NEK10: variants seen among roughly 807,000 people sequenced by gnomAD.
NEK10 encodes serine/threonine-protein kinase Nek10.
Under a neutral mutation model 159.8 loss-of-function variants are expected in NEK10, and 122 were observed. That is an observed-to-expected ratio of 0.76 (90% CI 0.66 to 0.89). NEK10 has a LOEUF of 0.89. Among genes scored for constraint, NEK10 ranks in the 40% least tolerant of loss-of-function variants. The pLI is 0.00. For missense variants in NEK10, 1,342 were observed against 1,323.1 expected, an observed-to-expected ratio of 1.01 and a Z score of -0.22; for synonymous variants, 466 against 457.1, an observed-to-expected ratio of 1.02 and a Z score of -0.25.
chr3:27,223,864 C>T (rs554483899), intron 23 of NEK10, among the ~76,000 whole-genome samples: 8 of 152,336 alleles, frequency 5.3e-5, no homozygotes, highest in African/African-American at 1.7e-4. Context: ...ACTCAACATA[C>T]TCAAAACTAA....
At position 27,151,968 on chromosome 3, in the gene NEK10, A is replaced by T. The variant is rs2148749422; in HGVS notation, c.2870-10386T>A. On this transcript the variant is annotated intron_variant, in intron 30 of 35. Transcript: ENST00000691995. ...AAGAAAAAGGAACAAGAAAATATGAACAAAGCCTCCAAGAAGTCTGGGATT... is the reference window on the plus strand; with the variant it reads ...AAGAAAAAGGAACAAGAAAATATGATCAAAGCCTCCAAGAAGTCTGGGATT... Among the ~76,000 whole-genome samples the T allele has an allele frequency of 1.3e-5, 2 of 152,296 alleles. 1 individual carries two copies. The highest frequency in any genetic ancestry group is 4.1e-4 in the South Asian group (2 of 4,828).
intron 30 of NEK10, among the ~76,000 whole-genome samples, chr3:27,152,815 A>G (rs779484586): frequency 6.6e-6 from 1 of 152,204 alleles, no homozygotes; most frequent in Non-Finnish European, 1.5e-5. Flanking sequence ...AAGGGGTGGA[A>G]AAAGGCATTT....
At chr3:27,250,449 G>C (rs1955535824) in intron 23 of NEK10, among the ~76,000 whole-genome samples, 1 of 152,122 alleles carries the variant, frequency 6.6e-6, no homozygotes, top group Non-Finnish European at 1.5e-5. Flanking sequence ...GTCTCCCAAA[G>C]TGCTGGGATT....
intron 32 of NEK10, among the ~76,000 whole-genome samples, chr3:27,128,526 T>C (rs890250392): frequency 1.2e-4 from 19 of 152,164 alleles, no homozygotes; most frequent in South Asian, 4.1e-4. Context: ...TAACATGCGA[T>C]AGAATTCATA....
chr3:27,272,533 G>T (rs1416979947), intron 22 of NEK10, among the ~76,000 whole-genome samples: 1 of 152,112 alleles, frequency 6.6e-6, no homozygotes, highest in Non-Finnish European at 1.5e-5. Flanking sequence ...CATCCTACAG[G>T]GTATTTGACA....
intron 26 of NEK10, 61 bp from the exon 27 acceptor site, chr3:27,174,894 A>C (rs1947357678): frequency 5.8e-6 from 8 of 1,369,826 alleles, no homozygotes; most frequent in Admixed American, 2.4e-5. Flanking sequence ...TATAGGACCT[A>C]AATCTTGTTA....
At chr3:27,247,526 G>GTTTAT (rs577843384) in intron 23 of NEK10, among the ~76,000 whole-genome samples, 184 of 152,032 alleles carry the variant, frequency 1.2e-3, no homozygotes, top group Non-Finnish European at 1.7e-3. Context: ...CTAGAATTTT[G>GTTTAT]TTTATTTTAT....
chr3:27,202,293 C>T, intron 24 of NEK10, 135 bp downstream of exon 24: 1 of 655,140 alleles, frequency 1.5e-6, no homozygotes, highest in Non-Finnish European at 2.3e-6. Context: ...AAAAAATAAA[C>T]TGGATCATGC....
In NEK10 at chr3:27,282,540, A is replaced by ATATATATATATACACATAACTGTGT. The variant is rs2042241195; in HGVS notation, c.2014+2061_2014+2062insACACAGTTATGTGTATATATATATA. Among the ~76,000 whole-genome samples the ATATATATATATACACATAACTGTGT allele has an allele frequency of 2.7e-4, 16 of 60,060 alleles. 2 individuals are homozygous for ATATATATATATACACATAACTGTGT. The highest frequency in any genetic ancestry group is 1.1e-3 in the African/African-American group (16 of 13,934). 39.4% of individuals were successfully genotyped at this position (60,060 alleles called of 152,430 possible). ...TGTTGTATATATACATAAATGTGTTATATATATATATATATATATACATAA... is the reference window on the plus strand; with the variant it reads ...TGTTGTATATATACATAAATGTGTTATATATATATATACACATAACTGTGTTATATATATATATATATATACATAA... On this transcript the variant is annotated intron_variant, in intron 22 of 35. Coordinates refer to ENST00000691995, the MANE Select transcript of NEK10 (RefSeq NM_001394966.1).
intron 31 of NEK10, among the ~76,000 whole-genome samples, chr3:27,139,122 T>A (rs1474565312): frequency 1.3e-4 from 20 of 152,156 alleles, no homozygotes; most frequent in Non-Finnish European, 4.4e-5. Flanking sequence ...AATTACAAGG[T>A]CGGATGAAGT....
At chr3:27,244,031 A>C (rs76209053) in intron 23 of NEK10, among the ~76,000 whole-genome samples, 6,131 of 152,114 alleles carry the variant, frequency 0.04, 202 homozygotes, top group African/African-American at 0.091. Context: ...ATATTCCCCC[A>C]AAAAAACCGC....
At chr3:27,355,137 T>A (rs1020565435) in intron 1 of NEK10, among the ~76,000 whole-genome samples, 9 of 152,176 alleles carry the variant, frequency 5.9e-5, no homozygotes, top group Non-Finnish European at 1.0e-4. Flanking sequence ...AAGCAGCGCC[T>A]GCTGCATTAG....
chr3:27,308,533 ATCT>A (rs1446876613), intron 10 of NEK10, among the ~76,000 whole-genome samples: 3 of 152,208 alleles, frequency 2.0e-5, no homozygotes, highest in Non-Finnish European at 4.4e-5. Context: ...AAGAGGAAAG[ATCT>A]TCTTGAAAAT....
rs1194422784 is a variant in NEK10, at chr3:27,320,065, A to T, written c.447+2112T>A. On this transcript the variant is annotated intron_variant, in intron 6 of 35. Coordinates refer to ENST00000691995, the MANE Select transcript of NEK10 (RefSeq NM_001394966.1). The stretch of plus-strand genomic sequence containing the variant: ...AATTCTTGGCACCTCAAGATGTTAA[A>T]CAACTGCCTGAGCACGTGGTCTTCT... Among the ~76,000 whole-genome samples, 3 of 152,240 alleles carry T rather than the reference A, an allele frequency of 2.0e-5. No individual in the cohort carries two copies. In the East Asian group the frequency reaches 5.8e-4, roughly 29 times the overall value.
chr3:27,255,851 A>G (rs146514180), intron 23 of NEK10, among the ~76,000 whole-genome samples: 11 of 152,314 alleles, frequency 7.2e-5, no homozygotes, highest in African/African-American at 2.4e-4. Context: ...GCCAGATACT[A>G]GGATAGGTAT....
chr3:27,352,340 G>A (rs548783282), intron 3 of NEK10, 125 bp downstream of exon 3: 4 of 697,718 alleles, frequency 5.7e-6, no homozygotes, highest in African/African-American at 3.6e-5. Flanking sequence ...GATGAAGAAA[G>A]AGCAAAGATG....
rs1290054747 is a variant in NEK10 at position 27,111,338 on chromosome 3, G to A, written c.3300-18C>T. 34 of 1,558,594 alleles carry A rather than the reference G, an allele frequency of 2.2e-5. No homozygotes were observed. Among genetic ancestry groups the A allele is most frequent in the Non-Finnish European group, 2.8e-5 (32 of 1,149,258 alleles). On this transcript the variant is annotated intron_variant, in intron 35 of 35. Transcript: ENST00000691995. Reference sequence around the variant, plus strand: ...AATGATACCTATAAGATTCAGAAGTGGAAAGAATTCTCTATAGTTACAAAT... The same window carrying A: ...AATGATACCTATAAGATTCAGAAGTAGAAAGAATTCTCTATAGTTACAAAT...
At chr3:27,312,427 G>A (rs1413719260) in intron 7 of NEK10, among the ~76,000 whole-genome samples, 1 of 152,092 alleles carries the variant, frequency 6.6e-6, no homozygotes, top group East Asian at 1.9e-4. Flanking sequence ...ACTCTCAAAA[G>A]TCTCAAAATG....
chr3:27,301,876 C>T (rs1174893521), intron 12 of NEK10, 41 bp from the exon 13 acceptor site: 1 of 1,492,976 alleles, frequency 6.7e-7, no homozygotes, highest in South Asian at 1.2e-5. Flanking sequence ...TTATCAATTT[C>T]CCTTCACCGT....
Sources: gnomAD v4.1 joint callset for allele counts (sites outside exome capture counted in the v4.1 genomes callset) on GRCh38, gnomAD v4.1.1 for gene constraint, MANE v1.5 for transcripts, NCBI Gene and HGNC (gene_info 2026-07-23, HGNC 2026-07-21) for gene names.